The following SEMA6D variants were observed in gnomAD, a reference collection of about 807,000 sequenced individuals.
SEMA6D encodes semaphorin-6D.
Under a neutral mutation model 106.6 loss-of-function variants are expected in SEMA6D, and 35 were observed. That is an observed-to-expected ratio of 0.33 (90% CI 0.25 to 0.44). The LOEUF is 0.44. SEMA6D is among the 20% of genes least tolerant of loss of function. The probability of loss-of-function intolerance (pLI) is 1.00; values close to 1 mark genes in which losing one functional copy is unlikely to be tolerated. For missense variants in SEMA6D, 1,185 were observed against 1,345.9 expected (o/e 0.88, Z 1.87); for synonymous variants, 499 against 487.7 (o/e 1.02, Z -0.31).
chr15:47,544,502 T>C (rs970330454), intron 3 of SEMA6D, among the ~76,000 whole-genome samples: 3 of 152,142 alleles, frequency 2.0e-5, no homozygotes, highest in African/African-American at 7.2e-5. Flanking sequence ...TATTTTAAAA[T>C]ATGGAATTGT....
Position 47,770,628 on chromosome 15 carries a change from A to T in SEMA6D, c.2065A>T (p.Met689Leu), listed in dbSNP as rs2082579788. The change falls in exon 19 of 19, where the codon ATG (methionine) becomes TTG (leucine). Residue 689 changes from methionine (M) to leucine (L), a missense_variant. By Grantham distance (15) the Met-to-Leu change is conservative. Coordinates refer to ENST00000536845, the MANE Select transcript of SEMA6D (RefSeq NM_001358351.3). ...AGVAVYCYRD[M>L]FVRKNRKIHK... ...TGTGGCAGTATACTGCTATCGAGACATGTTTGTTCGGAAAAACAGAAAGAT... is the reference window on the plus strand; with the variant it reads ...TGTGGCAGTATACTGCTATCGAGACTTGTTTGTTCGGAAAAACAGAAAGAT... 1 of 1,613,980 alleles carries T rather than the reference A, an allele frequency of 6.2e-7. No individual in the cohort carries two copies. The highest frequency in any genetic ancestry group is 8.5e-7 in the Non-Finnish European group (1 of 1,179,970).
In SEMA6D at chr15:47,644,375, T is replaced by C. The variant is rs190072777; in HGVS notation, c.-55+43479T>C. ...TCATTTAAGTAAAATTGTTTACTTA[T>C]GATAAAATCGAATTGCCTCAACTAT... On this transcript the variant is annotated intron_variant, in intron 4 of 19. Coordinates refer to the SEMA6D transcript ENST00000558014. 2.7e-3 allele frequency among the ~76,000 whole-genome samples: 405 copies of C among 152,368 alleles called. 2 individuals carry two copies. Among genetic ancestry groups the C allele is most frequent in the African/African-American group, 9.5e-3 (397 of 41,590 alleles).
At chr15:47,325,494 G>A (rs2037096772) in intron 1 of SEMA6D, among the ~76,000 whole-genome samples, 1 of 152,198 alleles carries the variant, frequency 6.6e-6, no homozygotes, top group South Asian at 2.1e-4. Context: ...TTAGATCCAA[G>A]CTCTGTCAGT....
At chr15:47,735,045 G>C (rs1283170788) in intron 1 of SEMA6D, among the ~76,000 whole-genome samples, 2 of 151,876 alleles carry the variant, frequency 1.3e-5, no homozygotes, top group African/African-American at 4.8e-5. Context: ...CTGTACTTTT[G>C]CCACACTTAA....
intron 4 of SEMA6D, among the ~76,000 whole-genome samples, chr15:47,671,006 C>T (rs534634922): frequency 5.3e-5 from 8 of 152,154 alleles, no homozygotes; most frequent in African/African-American, 1.4e-4. Flanking sequence ...TAATAGAATA[C>T]AGAAAAAAAT....
At chr15:47,246,162 T>G (rs1331197885) in intron 1 of SEMA6D, among the ~76,000 whole-genome samples, 3 of 152,090 alleles carry the variant, frequency 2.0e-5, no homozygotes, top group African/African-American at 7.2e-5. Context: ...AAATGTATAG[T>G]GAGTGACTAC....
intron 1 of SEMA6D, among the ~76,000 whole-genome samples, chr15:47,297,909 G>A (rs56208648): frequency 3.0e-3 from 459 of 152,294 alleles, no homozygotes; most frequent in African/African-American, 0.011. Flanking sequence ...CATGTTTCAA[G>A]GACAGAAGGT....
chr15:47,369,303 T>C (rs1251822621), intron 1 of SEMA6D, among the ~76,000 whole-genome samples: 1 of 152,206 alleles, frequency 6.6e-6, no homozygotes, highest in African/African-American at 2.4e-5. Flanking sequence ...GCATCTGGCT[T>C]AGAGCTCAGA....
rs185857431 is a variant in SEMA6D at position 47,225,383 on chromosome 15, A to T, written c.-239+40965A>T. On this transcript the variant is annotated intron_variant, in intron 1 of 19. Transcript: ENST00000558014. ...TGTTGTGGGATCCCATTGCTGTTTT[A>T]ATTTATGTTCCCTGATGATACATGA... Among the ~76,000 whole-genome samples, 569 of 151,758 alleles carry T rather than the reference A, an allele frequency of 3.7e-3. 6 individuals are homozygous for T. Among genetic ancestry groups the T allele is most frequent in the African/African-American group, 0.013 (542 of 41,430 alleles).
At chr15:47,326,619 T>C (rs1324042213) in intron 1 of SEMA6D, among the ~76,000 whole-genome samples, 1 of 152,030 alleles carries the variant, frequency 6.6e-6, no homozygotes, top group African/African-American at 2.4e-5. Context: ...TGAAAATAGC[T>C]CTGATGGGGA....
intron 1 of SEMA6D, among the ~76,000 whole-genome samples, chr15:47,207,274 G>A (rs1895136091): frequency 6.6e-6 from 1 of 152,076 alleles, no homozygotes; most frequent in South Asian, 2.1e-4. Context: ...TTCCTCCTTT[G>A]CTCCATTTGT....
Position 47,760,369 on chromosome 15 carries a change from T to C in SEMA6D, c.175T>C (p.Phe59Leu), listed in dbSNP as rs1269516138. 6.2e-7 allele frequency: 1 copy of C among 1,613,680 alleles called. No homozygotes were observed. Among genetic ancestry groups the C allele is most frequent in the South Asian group, 1.1e-5 (1 of 91,064 alleles). ...CAATGAATCGCAGCACAGGCTGGACTTTCAGCTGATGTTGAAAATTCGAGA... is the reference window on the plus strand; with the variant it reads ...CAATGAATCGCAGCACAGGCTGGACCTTCAGCTGATGTTGAAAATTCGAGA... ...SGNESQHRLDFQLMLKIRDTL... is the reference protein window; with the variant it reads ...SGNESQHRLDLQLMLKIRDTL... Residue 59 changes from phenylalanine (F) to leucine (L), a missense_variant, in exon 3 of 19, where the codon TTT becomes CTT. Transcript: ENST00000536845.
intron 1 of SEMA6D, among the ~76,000 whole-genome samples, chr15:47,746,063 G>A (rs964896293): frequency 6.6e-6 from 1 of 152,132 alleles, no homozygotes; most frequent in African/African-American, 2.4e-5. Context: ...AACTGTTACT[G>A]TATTTTCAAA....
rs1597105638 is a variant in SEMA6D, at chr15:47,770,822, T to C, written c.2259T>C (p.Asp753=). Reference sequence around the variant, plus strand: ...GGAAAGAGCTACCACCCAATGGAGATACTAAATCCATGGTAATGGACCATC... The same window carrying C: ...GGAAAGAGCTACCACCCAATGGAGACACTAAATCCATGGTAATGGACCATC... The part of the protein sequence containing the change: ...TSRKELPPNG[D]TKSMVMDHRG... The change falls in exon 19 of 19, where the codon GAT becomes GAC. Residue 753 remains aspartate, a synonymous_variant. Transcript: ENST00000536845. The C allele has an allele frequency of 6.2e-7, 1 of 1,613,962 alleles. No homozygotes were observed.
chr15:47,537,739 G>A (rs962774189), intron 3 of SEMA6D, among the ~76,000 whole-genome samples: 1 of 152,144 alleles, frequency 6.6e-6, no homozygotes, highest in Non-Finnish European at 1.5e-5. Flanking sequence ...GGCTACGGAG[G>A]CGCAAGGAAG....
chr15:47,547,053 T>C (rs1471068392), intron 3 of SEMA6D, among the ~76,000 whole-genome samples: 2 of 152,090 alleles, frequency 1.3e-5, no homozygotes, highest in Non-Finnish European at 2.9e-5. Flanking sequence ...ACACAGATAC[T>C]TCTGATGTTT....
At chr15:47,519,693 T>C (rs2044507809) in intron 3 of SEMA6D, among the ~76,000 whole-genome samples, 1 of 152,166 alleles carries the variant, frequency 6.6e-6, no homozygotes, top group South Asian at 2.1e-4. Flanking sequence ...TTCACTGTAG[T>C]TGCTGTTTGG....
At position 47,760,989 on chromosome 15, in the gene SEMA6D, A is replaced by C. The variant is rs1290235511; in HGVS notation, c.233A>C (p.Tyr78Ser). The change falls in exon 4 of 19, where the codon TAT becomes TCT. Residue 78 changes from tyrosine to serine, a missense_variant. Tyr to Ser is a moderately radical substitution (Grantham distance 144). Around this residue, in one of 3 missense-constraint regions of SEMA6D, gnomAD observed 144 missense variants for 138.6 expected, o/e 1.04. Transcript: ENST00000536845. ...CTTATTTCCAACAGGGATCAAGTTT[A>C]TACAGTAAACTTAAATGAAATGCCC... ...TLYIAGRDQV[Y>S]TVNLNEMPKT... 6.2e-7 allele frequency: 1 copy of C among 1,613,184 alleles called. No individual in the cohort carries two copies. The highest frequency in any genetic ancestry group is 8.5e-7 in the Non-Finnish European group (1 of 1,179,478).
At chr15:47,516,032 G>C (rs1389732014) in intron 3 of SEMA6D, among the ~76,000 whole-genome samples, 2 of 152,124 alleles carry the variant, frequency 1.3e-5, no homozygotes, top group Non-Finnish European at 2.9e-5. Flanking sequence ...ATTATGGTTG[G>C]CTGCAGAACT....
Sources: allele counts gnomAD v4.1 joint callset (sites outside exome capture counted in the v4.1 genomes callset), GRCh38; gene constraint gnomAD v4.1.1; regional missense constraint gnomAD v4.1.1; transcripts MANE v1.5; gene names NCBI Gene and HGNC (gene_info 2026-07-23, HGNC 2026-07-21).